Variants in B9D1 observed in about 807,000 individuals in gnomAD.
The protein encoded by B9D1 is B9 domain containing 1, also known as B9 domain-containing protein 1.
In B9D1, 20 loss-of-function variants were observed where a neutral mutation model predicts 26.1. The ratio of observed to expected loss-of-function variants is 0.77; its 90% confidence interval spans 0.54 to 1.12. B9D1 has a LOEUF of 1.12. B9D1 is among the 50% of genes most tolerant of loss of function. The pLI is 0.00. For synonymous variants in B9D1, 105 were observed against 103.1 expected (o/e 1.02, Z -0.11); for missense variants, 260 against 273.7 (o/e 0.95, Z 0.35).
At chr17:19,369,356 G>A (rs1363691937) in intron 1 of B9D1, among the ~76,000 whole-genome samples, 4 of 152,188 alleles carry the variant, frequency 2.6e-5, no homozygotes, top group African/African-American at 7.2e-5. Context: ...GGCCGCGTTC[G>A]GTGTGTCATG....
chr17:19,348,670 C>T (rs1909189330), intron 3 of B9D1, among the ~76,000 whole-genome samples: 1 of 152,210 alleles, frequency 6.6e-6, no homozygotes, highest in Admixed American at 6.5e-5. Flanking sequence ...TAGGAAACTA[C>T]CTCTTTACTT....
intron 1 of B9D1, among the ~76,000 whole-genome samples, chr17:19,368,566 G>C (rs374876893): frequency 8.5e-5 from 13 of 152,188 alleles, no homozygotes; most frequent in African/African-American, 2.9e-4. Context: ...TGAAGATGAT[G>C]ACATGATTGG....
At position 19,343,365 on chromosome 17, in the gene B9D1, G is replaced by A. The variant is rs150434901; in HGVS notation, c.569C>T (p.Thr190Ile). The A allele has an allele frequency of 3.1e-6, 5 of 1,614,164 alleles. No homozygotes were observed. Among genetic ancestry groups the A allele is most frequent in the East Asian group, 2.2e-5 (1 of 44,876 alleles). Residue 190 changes from threonine to isoleucine, a missense_variant, in exon 7 of 7, where the codon ACA (threonine) becomes ATA (isoleucine). Physicochemically the swap from Thr to Ile is moderately conservative, Grantham distance 89. Coordinates refer to ENST00000261499, the MANE Select transcript of B9D1 (RefSeq NM_015681.6). The part of the protein sequence containing the change: ...KLGYDTGPSD[T>I]QGVLGPSPPQ... ...TGGGCTGGGCCCCAACACACCCTGT[G>A]TATCAGAAGGCCCAGTGTCATAGCC...
In B9D1 at chr17:19,370,188, T is replaced by G; in HGVS notation, c.-298+7671A>C. On this transcript the variant is annotated intron_variant, in intron 1 of 5. Coordinates refer to the B9D1 transcript ENST00000477478. This position sits in a 1 kb window ranked among gnomAD's most constrained non-coding sequence, Gnocchi z 5.1. The stretch of plus-strand genomic sequence containing the variant: ...AGCCTTGGTGATGGATTTTATTCCA[T>G]GAGATGGGGCAGCTGTTGCAGGAAC... Among the ~76,000 whole-genome samples, 1 of 152,222 alleles carries G rather than the reference T, an allele frequency of 6.6e-6. No individual in the cohort carries two copies. Among genetic ancestry groups the G allele is most frequent in the East Asian group, 1.9e-4 (1 of 5,200 alleles).
Position 19,362,591 on chromosome 17 carries a change from G to A in B9D1, c.-22C>T. On this transcript the variant is annotated 5_prime_UTR_variant, in exon 1 of 7. Coordinates refer to ENST00000261499, the MANE Select transcript of B9D1 (RefSeq NM_015681.6). ...CCATGGCAGGTCTGGGGGTGCCGGG[G>A]GGACCCACCTAGGCCGCGCGCGGTT... 3 of 1,585,830 alleles carry A rather than the reference G, an allele frequency of 1.9e-6. No homozygotes were observed. Among genetic ancestry groups the A allele is most frequent in the South Asian group, 2.3e-5 (2 of 87,194 alleles).
At chr17:19,335,320 A>G, downstream of B9D1, 1 of 1,388,024 alleles carries the variant, frequency 7.2e-7, no homozygotes, top group Non-Finnish European at 9.8e-7. Context: ...CGAATATACC[A>G]ACATCCTGAA....
chr17:19,367,058 G>A (rs1246169046), upstream of B9D1, among the ~76,000 whole-genome samples: 1 of 152,170 alleles, frequency 6.6e-6, no homozygotes, highest in African/African-American at 2.4e-5. Context: ...TAGAGCCAGG[G>A]CATGTATAGC....
intron 1 of B9D1, 49 bp from the exon 2 acceptor site, chr17:19,360,437 C>T: frequency 6.4e-7 from 1 of 1,550,702 alleles, no homozygotes; most frequent in South Asian, 1.1e-5. Flanking sequence ...ATGCTGAGGC[C>T]AATGCATTTG....
chr17:19,344,762 A>C (rs1415157445), intron 5 of B9D1, among the ~76,000 whole-genome samples: 1 of 152,214 alleles, frequency 6.6e-6, no homozygotes, highest in Non-Finnish European at 1.5e-5. Context: ...GGGCGGCTGC[A>C]GAGGGGCCCA....
At chr17:19,366,665 C>T (rs1027047998), upstream of B9D1, among the ~76,000 whole-genome samples, 4 of 152,206 alleles carry the variant, frequency 2.6e-5, no homozygotes, top group Non-Finnish European at 4.4e-5. Flanking sequence ...AATCATTTCT[C>T]TCAAAGGCCT....
downstream of B9D1, chr17:19,341,068 A>T (rs1184284336): frequency 8.4e-7 from 1 of 1,186,250 alleles, no homozygotes; most frequent in Non-Finnish European, 1.1e-6. Context: ...TTCACTGTAA[A>T]ATGATGTCAA....
Position 19,343,293 on chromosome 17 carries a change from CAG to C in B9D1, c.*24_*25del, listed in dbSNP as rs1567880880. On this transcript the variant is annotated 3_prime_UTR_variant, in exon 7 of 7. Transcript: ENST00000261499. ...CTTCGGGAAGGCAGCCCTTCATTAT[CAG>C]AGACTGTGCAGCCTGTGGAGCCTTC... 2 of 1,613,978 alleles carry C rather than the reference CAG, an allele frequency of 1.2e-6. No homozygotes were observed. Among genetic ancestry groups the C allele is most frequent in the South Asian group, 2.2e-5 (2 of 91,068 alleles).
chr17:19,373,386 CTTTTT>C (rs1462764244), intron 1 of B9D1, among the ~76,000 whole-genome samples: 1 of 151,342 alleles, frequency 6.6e-6, no homozygotes, highest in South Asian at 2.1e-4. Flanking sequence ...TTATATACCT[CTTTTT>C]TTTACTTTTT....
rs1161485748 is a variant in B9D1, at chr17:19,359,477, C to G, written c.132+843G>C. The stretch of plus-strand genomic sequence containing the variant: ...GCTTGTTCCCTCACTTCCTTCAGGT[C>G]TTTCCTCAAAAGTTACTTTCTCGGC... On this transcript the variant is annotated intron_variant, in intron 2 of 6. Transcript: ENST00000261499. The surrounding 1 kb of genome is among the most constrained non-coding windows in gnomAD (Gnocchi z 5.0). Among the ~76,000 whole-genome samples, 1 of 152,216 alleles carries G rather than the reference C, an allele frequency of 6.6e-6. No homozygotes were observed. Among genetic ancestry groups the G allele is most frequent in the Non-Finnish European group, 1.5e-5 (1 of 68,034 alleles).
chr17:19,364,099 C>T (rs1444468322), upstream of B9D1, among the ~76,000 whole-genome samples: 7 of 152,196 alleles, frequency 4.6e-5, no homozygotes, highest in African/African-American at 1.4e-4. This position sits in a 1 kb window ranked among gnomAD's most constrained non-coding sequence, Gnocchi z 4.3. Context: ...GCCTTTGAGG[C>T]TCGGTGTTGC....
At chr17:19,373,807 G>A (rs751363419) in intron 1 of B9D1, among the ~76,000 whole-genome samples, 3 of 152,132 alleles carry the variant, frequency 2.0e-5, no homozygotes, top group Admixed American at 6.5e-5. Context: ...GATTACAGGC[G>A]TGAGTCACCG....
intron 1 of B9D1, among the ~76,000 whole-genome samples, chr17:19,375,244 C>G (rs750183632): frequency 7.3e-5 from 11 of 151,338 alleles, no homozygotes; most frequent in Non-Finnish European, 1.2e-4. Flanking sequence ...GAGCTGAGAT[C>G]CTACCACCGC....
rs1196046310 is a variant in B9D1, at chr17:19,372,233, A to G, written c.-298+5626T>C. 1 of 152,296 alleles carries G rather than the reference A, an allele frequency of 6.6e-6. No homozygotes were observed. The highest frequency in any genetic ancestry group is 1.5e-5 in the Non-Finnish European group (1 of 68,080). The allele number at this position is 152,296 out of a possible 1,614,324, so 9.4% of individuals were successfully genotyped here. A position where few individuals can be genotyped will look rare whatever the true frequency, so the allele number is the denominator to read the frequency against. Reference sequence around the variant, plus strand: ...CCTTGTGTCAGGTGCCCCTGCAGATATAATTCCTCGAGTCCACAAAACAAT... The same window carrying G: ...CCTTGTGTCAGGTGCCCCTGCAGATGTAATTCCTCGAGTCCACAAAACAAT... On this transcript the variant is annotated intron_variant, in intron 1 of 5. Coordinates refer to the B9D1 transcript ENST00000477478. This position sits in a 1 kb window ranked among gnomAD's most constrained non-coding sequence, Gnocchi z 4.4.
upstream of B9D1, among the ~76,000 whole-genome samples, chr17:19,367,051 A>G (rs1347859896): frequency 6.6e-6 from 1 of 152,166 alleles, no homozygotes; most frequent in African/African-American, 2.4e-5. Flanking sequence ...TTACCTCTAG[A>G]GCCAGGGCAT....
Sources: gnomAD v4.1 joint callset for allele counts (sites outside exome capture counted in the v4.1 genomes callset) on GRCh38, gnomAD v4.1.1 for gene constraint, Gnocchi (gnomAD v3.1) non-coding constraint, MANE v1.5 for transcripts, NCBI Gene and HGNC (gene_info 2026-07-23, HGNC 2026-07-21) for gene names.